The following ANKRD40 variants were observed in gnomAD, a reference collection of about 807,000 sequenced individuals.
The protein encoded by ANKRD40 is ankyrin repeat domain-containing protein 40.
ANKRD40 carries 24 observed loss-of-function variants against 35.5 expected under a neutral mutation model. The ratio of observed to expected loss-of-function variants is 0.68; its 90% CI spans 0.49 to 0.95. The LOEUF (loss-of-function observed/expected upper bound fraction) is 0.95, where lower values mean the gene tolerates loss of function less well. ANKRD40 is among the 40% of genes least tolerant of loss of function. The pLI is 0.00. For synonymous variants in ANKRD40, 147 were observed against 173.5 expected (o/e 0.85, Z 1.20); for missense variants, 361 against 436.0 (o/e 0.83, Z 1.53).
intron 3 of ANKRD40, among the ~76,000 whole-genome samples, chr17:50,698,593 G>A (rs947843102): frequency 1.3e-5 from 2 of 152,134 alleles, no homozygotes; most frequent in Admixed American, 6.5e-5. Context: ...CTAAAACAAC[G>A]TGATAACTAC....
intron 3 of ANKRD40, among the ~76,000 whole-genome samples, chr17:50,697,893 A>G (rs1207384753): frequency 6.6e-6 from 1 of 152,246 alleles, no homozygotes. Flanking sequence ...CCAGGAAAAA[A>G]GGAAAAGTAA....
intron 1 of ANKRD40, among the ~76,000 whole-genome samples, chr17:50,702,608 C>A (rs1176129795): frequency 1.3e-5 from 2 of 152,096 alleles, no homozygotes; most frequent in African/African-American, 2.4e-5. Context: ...AAAATATGCT[C>A]CCTTTTGGAA....
Position 50,707,340 on chromosome 17 carries a change from C to T in ANKRD40, c.134+181G>A, listed in dbSNP as rs533232106. Among the ~76,000 whole-genome samples, 7 of 152,132 alleles carry T rather than the reference C, an allele frequency of 4.6e-5. No homozygotes were observed. The South Asian group carries it at 1.2e-3, about 27-fold the overall frequency. On this transcript the variant is annotated intron_variant, in intron 1 of 4. Coordinates refer to ENST00000285243, the MANE Select transcript of ANKRD40 (RefSeq NM_052855.4). The surrounding 1 kb of genome is among the most constrained non-coding windows in gnomAD (Gnocchi z 4.8). The stretch of plus-strand genomic sequence containing the variant: ...CGTGGGCCGGGATTTGGGCAGGACG[C>T]GCTCCCGACCGCACGAGGCATGGGG...
rs1421962867 is a variant in ANKRD40 at position 50,700,550 on chromosome 17, C to T, written c.283+18G>A. ...ATGAGTCTGAGGAAATCAAAAGTTCCCCCAAACACAGACTCACCTCCCATA... is the reference window on the plus strand; with the variant it reads ...ATGAGTCTGAGGAAATCAAAAGTTCTCCCAAACACAGACTCACCTCCCATA... On this transcript the variant is annotated intron_variant, in intron 2 of 4. Coordinates refer to ENST00000285243, the MANE Select transcript of ANKRD40 (RefSeq NM_052855.4). 2.5e-6 allele frequency: 4 copies of T among 1,612,324 alleles called. No homozygotes were observed. The highest frequency in any genetic ancestry group is 2.7e-5 in the African/African-American group (2 of 74,788).
rs1224877539 is a variant in ANKRD40 at position 50,694,134 on chromosome 17, A to AAAAAAAAAAAAAAG, written c.*1862_*1863insCTTTTTTTTTTTTT. On this transcript the variant is annotated 3_prime_UTR_variant, in exon 5 of 5. Coordinates refer to ENST00000285243, the MANE Select transcript of ANKRD40 (RefSeq NM_052855.4). Reference sequence around the variant, plus strand: ...AACAAAGCAAGACTCCGTCTCAAAAAAAAAAAGAAAAGAAACACCAGGGAG... The same window carrying AAAAAAAAAAAAAAG: ...AACAAAGCAAGACTCCGTCTCAAAAAAAAAAAAAAAAAAGAAAAAAGAAAAGAAACACCAGGGAG... The AAAAAAAAAAAAAAG allele has an allele frequency of 1.3e-5, 2 of 150,756 alleles. No homozygotes were observed. The highest frequency in any genetic ancestry group is 3.0e-5 in the Non-Finnish European group (2 of 67,610). The allele number at this position is 150,756 out of a possible 1,614,324, so 9.3% of individuals were successfully genotyped here. A position where few individuals can be genotyped will look rare whatever the true frequency, so the allele number is the denominator to read the frequency against.
chr17:50,700,175 G>A (rs773745121), intron 2 of ANKRD40: 6 of 303,400 alleles, frequency 2.0e-5, no homozygotes, highest in Non-Finnish European at 3.6e-5. Context: ...CGGGAGCGGT[G>A]CCTCATGCCT....
chr17:50,694,137 A>AAAAAAAAAAG lies in ANKRD40; in HGVS notation c.*1859_*1860insCTTTTTTTTT, dbSNP rs1052116288. ...AAAGCAAGACTCCGTCTCAAAAAAA[A>AAAAAAAAAAG]AAAGAAAAGAAACACCAGGGAGGTT... is the stretch of plus-strand genomic sequence containing the variant. On this transcript the variant is annotated 3_prime_UTR_variant, in exon 5 of 5. Coordinates refer to ENST00000285243, the MANE Select transcript of ANKRD40 (RefSeq NM_052855.4). 6.7e-6 allele frequency: 1 copy of AAAAAAAAAAG among 148,506 alleles called. No homozygotes were observed. Among genetic ancestry groups the AAAAAAAAAAG allele is most frequent in the Non-Finnish European group, 1.5e-5 (1 of 66,676 alleles). The allele number at this position is 148,506 out of a possible 1,614,324, so 9.2% of individuals were successfully genotyped here.
rs531010802 is a variant in ANKRD40, at chr17:50,698,855, T to C, written c.778+544A>G. Among the ~76,000 whole-genome samples the C allele has an allele frequency of 5.3e-5, 8 of 151,932 alleles. No individual in the cohort carries two copies. The South Asian group carries it at 1.7e-3, about 32-fold the overall frequency. ...TGTACTGTAGTTATATAAGAGAATA[T>C]CCAGCTGGGTGCGGTGATTCACACC... On this transcript the variant is annotated intron_variant, in intron 3 of 4. Transcript: ENST00000285243.
rs945450867 is a variant in ANKRD40, at chr17:50,704,641, G to A, written c.134+2880C>T. On this transcript the variant is annotated intron_variant, in intron 1 of 4. Transcript: ENST00000285243. The stretch of plus-strand genomic sequence containing the variant: ...GGGTAGGTCTGGCATCAGATACCAG[G>A]TTTGTTTTCTGGCTCCACTAGTTAC... Among the ~76,000 whole-genome samples, 3 of 152,096 alleles carry A rather than the reference G, an allele frequency of 2.0e-5. No individual in the cohort carries two copies. In the South Asian group the frequency reaches 6.2e-4, roughly 32 times the overall value.
intron 1 of ANKRD40, among the ~76,000 whole-genome samples, chr17:50,704,709 G>A (rs1276067594): frequency 1.3e-5 from 2 of 152,080 alleles, no homozygotes; most frequent in Admixed American, 1.3e-4. Flanking sequence ...TGAAAAGTGA[G>A]GAAACAACTT....
chr17:50,699,722 G>A lies in ANKRD40; in HGVS notation c.455C>T (p.Pro152Leu). Residue 152 changes from proline (P) to leucine (L), a missense_variant, in exon 3 of 5, where the codon CCT becomes CTT. Transcript: ENST00000285243. The stretch of plus-strand genomic sequence containing the variant: ...TGAGCCATCTGCAGGGGGTGATGCA[G>A]GGGGTGTGGAGGGGCCCCCATTCTG... Reference protein sequence around the residue: ...QMQNGGPSTPPASPPADGSPP... With the variant: ...QMQNGGPSTPLASPPADGSPP... 6.2e-7 allele frequency: 1 copy of A among 1,613,426 alleles called. No individual in the cohort carries two copies.
chr17:50,701,372 A>G (rs1220818140), intron 1 of ANKRD40, among the ~76,000 whole-genome samples: 1 of 152,246 alleles, frequency 6.6e-6, no homozygotes, highest in Non-Finnish European at 1.5e-5. Context: ...CACTGCACAC[A>G]TACTTTAATT....
rs1318977361 is a variant in ANKRD40 at position 50,694,431 on chromosome 17, ATTAAG to A, written c.*1561_*1565del. 4 of 152,204 alleles carry A rather than the reference ATTAAG, an allele frequency of 2.6e-5. No homozygotes were observed. The highest frequency in any genetic ancestry group is 9.7e-5 in the African/African-American group (4 of 41,450). 9.4% of individuals were successfully genotyped at this position (152,204 alleles called of 1,614,324 possible). ...CACTCAACTGTAGTGTTCTAATAAAATTAAGTTAACACAGTTAGGAAGTTGAGTTT... is the reference window on the plus strand; with the variant it reads ...CACTCAACTGTAGTGTTCTAATAAAATTAACACAGTTAGGAAGTTGAGTTT... On this transcript the variant is annotated 3_prime_UTR_variant, in exon 5 of 5. Transcript: ENST00000285243.
At chr17:50,704,381 T>C (rs1000533222) in intron 1 of ANKRD40, among the ~76,000 whole-genome samples, 53 of 151,944 alleles carry the variant, frequency 3.5e-4, no homozygotes, top group African/African-American at 1.2e-3. Flanking sequence ...CCAGGCGTGG[T>C]GGCACACACC....
chr17:50,706,115 T>C (rs1485388647), intron 1 of ANKRD40, among the ~76,000 whole-genome samples: 2 of 149,682 alleles, frequency 1.3e-5, no homozygotes, highest in Non-Finnish European at 3.0e-5. Flanking sequence ...AAAAACAAAA[T>C]GTAAACTCAC....
At chr17:50,705,551 G>A (rs1220389178) in intron 1 of ANKRD40, among the ~76,000 whole-genome samples, 2 of 151,766 alleles carry the variant, frequency 1.3e-5, no homozygotes, top group Non-Finnish European at 2.9e-5. Flanking sequence ...ATCTCACTAT[G>A]TTGCCCAGGC....
chr17:50,696,789 C>T, intron 4 of ANKRD40, 151 bp downstream of exon 4: 1 of 621,086 alleles, frequency 1.6e-6, no homozygotes, highest in Non-Finnish European at 2.5e-6. Context: ...TCCCTATAGA[C>T]TCAGTAGAAG....
Position 50,695,852 on chromosome 17 carries a change from A to C in ANKRD40, c.*145T>G. On this transcript the variant is annotated 3_prime_UTR_variant, in exon 5 of 5. Coordinates refer to ENST00000285243, the MANE Select transcript of ANKRD40 (RefSeq NM_052855.4). ...ACTGCTTGGGGGTCAGGGGCTTCCTACCTTGGCAGAATGATGTTAGTATAT... is the reference window on the plus strand; with the variant it reads ...ACTGCTTGGGGGTCAGGGGCTTCCTCCCTTGGCAGAATGATGTTAGTATAT... The C allele has an allele frequency of 4.2e-6, 4 of 954,252 alleles. 1 individual carries two copies. Among genetic ancestry groups the C allele is most frequent in the Middle Eastern group, 4.6e-4 (2 of 4,366 alleles). 59.1% of individuals were successfully genotyped at this position (954,252 alleles called of 1,614,324 possible).
intron 2 of ANKRD40, 93 bp downstream of exon 2, chr17:50,700,475 A>G: frequency 8.7e-7 from 1 of 1,155,946 alleles, no homozygotes; most frequent in Non-Finnish European, 1.2e-6. Flanking sequence ...GAAATAGAGC[A>G]GTTGTTTGAC....
Sources: allele counts gnomAD v4.1 joint callset (sites outside exome capture counted in the v4.1 genomes callset), GRCh38; gene constraint gnomAD v4.1.1; non-coding constraint Gnocchi (gnomAD v3.1); transcripts MANE v1.5; gene names NCBI Gene and HGNC (gene_info 2026-07-23, HGNC 2026-07-21).